GANAB: variants seen among roughly 807,000 people sequenced by gnomAD.
GANAB encodes neutral alpha-glucosidase AB.
GANAB carries 35 observed loss-of-function variants against 129.9 expected under a neutral mutation model. That is an observed-to-expected ratio of 0.27 (90% CI 0.21 to 0.36). GANAB has a LOEUF of 0.36. GANAB is among the 10% of genes least tolerant of loss of function. The pLI is 1.00. For synonymous variants in GANAB, 482 were observed against 451.8 expected (o/e 1.07, Z -0.85); for missense variants, 939 against 1,221.0 (o/e 0.77, Z 3.44).
chr11:62,638,737 A>C (rs1944076861), intron 4 of GANAB, among the ~76,000 whole-genome samples: 1 of 152,190 alleles, frequency 6.6e-6, no homozygotes, highest in Admixed American at 6.6e-5. Flanking sequence ...TTATATAACC[A>C]GCATCCAGCC....
chr11:62,645,761 G>C (rs1030399992), intron 1 of GANAB, among the ~76,000 whole-genome samples: 2 of 152,142 alleles, frequency 1.3e-5, no homozygotes, highest in Admixed American at 6.6e-5. Flanking sequence ...CAAGTTGCAC[G>C]CATTTATTGT....
rs1315504732 is a variant in GANAB, at chr11:62,625,928, G to C, written c.2726-4C>G. ...GACAGGCGGCTTTCTGGAGATCCTG[G>C]AGGAGGAATAAAAGAGTGCCATAGT... On this transcript the variant is annotated splice_polypyrimidine_tract_variant and splice_region_variant and intron_variant, in intron 23 of 23. Transcript: ENST00000356638. 2 of 1,600,774 alleles carry C rather than the reference G, an allele frequency of 1.2e-6. No individual in the cohort carries two copies. The highest frequency in any genetic ancestry group is 4.5e-5 in the East Asian group (2 of 44,822).
At chr11:62,644,548 G>A (rs1213466145) in intron 1 of GANAB, among the ~76,000 whole-genome samples, 1 of 152,106 alleles carries the variant, frequency 6.6e-6, no homozygotes, top group Non-Finnish European at 1.5e-5. Flanking sequence ...CTGAACGCAA[G>A]AGTTTGAGGC....
chr11:62,632,909 T>C (rs1943755045), intron 8 of GANAB, 96 bp downstream of exon 8: 1 of 989,252 alleles, frequency 1.0e-6, no homozygotes, highest in Non-Finnish European at 1.6e-6. Context: ...AAATGACCCA[T>C]GCTTGCCTAG....
chr11:62,629,165 C>A, intron 16 of GANAB, 29 bp downstream of exon 16: 2 of 1,580,326 alleles, frequency 1.3e-6, no homozygotes, highest in Non-Finnish European at 1.7e-6. Context: ...TCCCACCAAA[C>A]CAAGACCCCA....
Position 62,634,770 on chromosome 11 carries a change from C to A in GANAB, c.560+51G>T, listed in dbSNP as rs779919509. ...CTCCCCGTGCCAGACCTCACAACAC[C>A]CCTATGCTCTTTCACACTAGGTTCC... is the stretch of plus-strand genomic sequence containing the variant. On this transcript the variant is annotated intron_variant, in intron 5 of 23. Coordinates refer to ENST00000356638, the MANE Select transcript of GANAB (RefSeq NM_198334.3). The A allele has an allele frequency of 2.7e-6, 4 of 1,458,390 alleles. No individual in the cohort carries two copies. The African/African-American group carries it at 4.2e-5, about 15-fold the overall frequency. 90.3% of individuals were successfully genotyped at this position (1,458,390 alleles called of 1,614,324 possible). A position where few individuals can be genotyped will look rare whatever the true frequency, so the allele number is the denominator to read the frequency against.
chr11:62,628,832 G>A lies in GANAB; in HGVS notation c.2117C>T (p.Ser706Phe). The part of the protein sequence containing the change: ...IIRDALGQRY[S>F]LLPFWYTLLY... The stretch of plus-strand genomic sequence containing the variant: ...GAGGGTGTACCAGAAGGGCAGCAAA[G>A]AATATCGCTGGCCCAAGGCATCTCG... The change falls in exon 17 of 24, where the codon TCT becomes TTT. Residue 706 changes from serine to phenylalanine, a missense_variant. Transcript: ENST00000356638. The A allele has an allele frequency of 1.2e-6, 2 of 1,613,848 alleles. No homozygotes were observed. Among genetic ancestry groups the A allele is most frequent in the Non-Finnish European group, 1.7e-6 (2 of 1,179,774 alleles).
rs751637956 is a variant in GANAB at position 62,630,697 on chromosome 11, A to G, written c.1290T>C (p.Ile430=). The G allele has an allele frequency of 1.2e-6, 2 of 1,614,164 alleles. No homozygotes were observed. The highest frequency in any genetic ancestry group is 1.3e-5 in the African/African-American group (1 of 75,054). ...NLPCDVIWLD[I]EHADGKRYFT... ...AATACCGCTTGCCATCAGCATGTTC[A>G]ATGTCTAGCCAGATGACATCACAGG... Residue 430 remains isoleucine (I), a synonymous_variant, in exon 11 of 24, where the codon ATT becomes ATC. Coordinates refer to ENST00000356638, the MANE Select transcript of GANAB (RefSeq NM_198334.3).
intron 1 of GANAB, among the ~76,000 whole-genome samples, chr11:62,646,209 C>A (rs1386279612): frequency 9.2e-5 from 14 of 152,344 alleles, no homozygotes; most frequent in East Asian, 1.9e-4. Flanking sequence ...CAGGCCGCAT[C>A]TTTTCCCCCG....
intron 17 of GANAB, 100 bp from the exon 18 acceptor site, chr11:62,627,453 C>G: frequency 1.4e-6 from 1 of 721,900 alleles, no homozygotes; most frequent in Non-Finnish European, 2.5e-6. Context: ...CAGCATAGGC[C>G]GGGTGTGGTG....
chr11:62,634,802 T>C lies in GANAB; in HGVS notation c.560+19A>G. 1 of 1,602,020 alleles carries C rather than the reference T, an allele frequency of 6.2e-7. No individual in the cohort carries two copies. The highest frequency in any genetic ancestry group is 8.5e-7 in the Non-Finnish European group (1 of 1,169,904). On this transcript the variant is annotated intron_variant, in intron 5 of 23. Coordinates refer to ENST00000356638, the MANE Select transcript of GANAB (RefSeq NM_198334.3). The stretch of plus-strand genomic sequence containing the variant: ...CTCTTTCACACTAGGTTCCCTGCAG[T>C]CCCAACCCCTGTACTCACGAGACCC...
chr11:62,643,825 A>T (rs1056931978), intron 1 of GANAB, among the ~76,000 whole-genome samples: 1 of 152,110 alleles, frequency 6.6e-6, no homozygotes, highest in Non-Finnish European at 1.5e-5. Context: ...CAAAAACAAG[A>T]AAAAAAAGTT....
At chr11:62,627,405 C>G (rs1340696012) in intron 17 of GANAB, 52 bp from the exon 18 acceptor site, 1 of 977,924 alleles carries the variant, frequency 1.0e-6, no homozygotes, top group East Asian at 2.4e-5. Context: ...TGGCACAAGT[C>G]AGAAATGCTC....
intron 20 of GANAB, 27 bp from the exon 21 acceptor site, chr11:62,626,711 A>T: frequency 6.7e-7 from 1 of 1,497,126 alleles, no homozygotes; most frequent in Non-Finnish European, 9.2e-7. Context: ...GCCAGGATGA[A>T]GTTGCCCCCT....
At chr11:62,640,220 G>C (rs1446645289) in intron 1 of GANAB, among the ~76,000 whole-genome samples, 3 of 22,892 alleles carry the variant, frequency 1.3e-4, no homozygotes, top group African/African-American at 5.3e-4. Flanking sequence ...CTGGGCGACA[G>C]AGCTAGACAA....
chr11:62,644,951 TA>T (rs761651045), intron 1 of GANAB, among the ~76,000 whole-genome samples: 2 of 152,058 alleles, frequency 1.3e-5, no homozygotes, highest in African/African-American at 2.4e-5. Context: ...GCTTGAAAGC[TA>T]AAAGAAAATT....
In GANAB at chr11:62,632,993, C is replaced by T; in HGVS notation, c.815+12G>A. 6.7e-7 allele frequency: 1 copy of T among 1,494,100 alleles called. No individual in the cohort carries two copies. Among genetic ancestry groups the T allele is most frequent in the Non-Finnish European group, 9.3e-7 (1 of 1,070,858 alleles). 92.6% of individuals were successfully genotyped at this position (1,494,100 alleles called of 1,614,324 possible). On this transcript the variant is annotated intron_variant, in intron 8 of 23. Transcript: ENST00000356638. ...CCCACCTCCATCTTCCTGATGTCAC[C>T]ATAGGACTCACTCAGTGACCTTCAG...
chr11:62,637,478 G>C (rs183720069), intron 4 of GANAB, among the ~76,000 whole-genome samples: 1 of 152,210 alleles, frequency 6.6e-6, no homozygotes, highest in East Asian at 1.9e-4. Context: ...TTGCGAAGCT[G>C]ATCATCTCCA....
At position 62,633,433 on chromosome 11, in the gene GANAB, G is replaced by A. The variant is rs200922785; in HGVS notation, c.630+12C>T. On this transcript the variant is annotated intron_variant, in intron 6 of 23. Coordinates refer to ENST00000356638, the MANE Select transcript of GANAB (RefSeq NM_198334.3). ...AGCCCTATCCTCCAACCACCCACCC[G>A]CTCCAACTTGCCTTGTCGCCATCCC... The A allele has an allele frequency of 1.7e-4, 274 of 1,613,034 alleles. No homozygotes were observed. Among genetic ancestry groups the A allele is most frequent in the Non-Finnish European group, 2.2e-4 (261 of 1,179,400 alleles).
Sources: allele counts gnomAD v4.1 joint callset (sites outside exome capture counted in the v4.1 genomes callset), GRCh38; gene constraint gnomAD v4.1.1; transcripts MANE v1.5; gene names NCBI Gene and HGNC (gene_info 2026-07-23, HGNC 2026-07-21).